CDIN1: variants seen among roughly 807,000 people sequenced by gnomAD.
The protein encoded by CDIN1 is CDAN1-interacting nuclease 1.
In CDIN1, 33 loss-of-function variants were observed where a neutral mutation model predicts 45.3. That is an observed-to-expected ratio of 0.73 (90% confidence interval 0.55 to 0.97). CDIN1 has a LOEUF of 0.97. Among genes scored for constraint, CDIN1 ranks in the 50% least tolerant of loss-of-function variants. CDIN1 has a pLI of 0.00. For synonymous variants in CDIN1, 118 were observed against 124.4 expected (o/e 0.95, Z 0.34); for missense variants, 303 against 339.4 (o/e 0.89, Z 0.84).
chr15:36,719,561 T>G (rs554117878), intron 10 of CDIN1, among the ~76,000 whole-genome samples: 2 of 152,170 alleles, frequency 1.3e-5, no homozygotes. Context: ...TGTTTATGAG[T>G]GATACAGGTT....
At chr15:36,676,773 A>G (rs750374000) in intron 5 of CDIN1, among the ~76,000 whole-genome samples, 4 of 152,110 alleles carry the variant, frequency 2.6e-5, no homozygotes, top group African/African-American at 4.8e-5. Flanking sequence ...GCTTCCCTTC[A>G]TTATGTGGCC....
intron 10 of CDIN1, among the ~76,000 whole-genome samples, chr15:36,767,324 C>T (rs1306244605): frequency 6.6e-6 from 1 of 152,112 alleles, no homozygotes; most frequent in Non-Finnish European, 1.5e-5. Context: ...TATTTTTGGG[C>T]TTCCTGAGTC....
chr15:36,596,385 T>C (rs2037835688), intron 1 of CDIN1, among the ~76,000 whole-genome samples: 1 of 152,220 alleles, frequency 6.6e-6, no homozygotes, highest in South Asian at 2.1e-4. Context: ...CCATTTTAAA[T>C]TACTTTGTGT....
intron 10 of CDIN1, among the ~76,000 whole-genome samples, chr15:36,775,594 G>GATGTA (rs1404659686): frequency 6.6e-6 from 1 of 152,152 alleles, no homozygotes; most frequent in Non-Finnish European, 1.5e-5. Context: ...CAAGAGTCTT[G>GATGTA]ATGTACCTTT....
chr15:36,774,953 A>G (rs1240044451), intron 10 of CDIN1, among the ~76,000 whole-genome samples: 1 of 152,186 alleles, frequency 6.6e-6, no homozygotes, highest in Non-Finnish European at 1.5e-5. Context: ...AATATTATTG[A>G]TGACATAAAT....
chr15:36,765,393 C>G (rs1323304830), intron 10 of CDIN1, among the ~76,000 whole-genome samples: 1 of 152,056 alleles, frequency 6.6e-6, no homozygotes, highest in Admixed American at 6.6e-5. Context: ...AAACTTTTTT[C>G]TTGTTTATGC....
chr15:36,774,163 T>TGCACGCGC (rs1555407089), intron 10 of CDIN1, among the ~76,000 whole-genome samples: 1 of 143,070 alleles, frequency 7.0e-6, no homozygotes. Context: ...TGTGTGTGTG[T>TGCACGCGC]GCGCGCGCGC....
rs568305349 is a variant in CDIN1, at chr15:36,699,144, A to G, written c.544+1754A>G. 2.6e-5 allele frequency among the ~76,000 whole-genome samples: 4 copies of G among 152,304 alleles called. No homozygotes were observed. In the South Asian group the frequency reaches 8.3e-4, roughly 32 times the overall value. On this transcript the variant is annotated intron_variant, in intron 8 of 10. Transcript: ENST00000566621. ...AAATGAAATATAGGAAGTTTATGCA[A>G]CCTGAGTCCTGTTTTAAAGCATTTC...
intron 5 of CDIN1, among the ~76,000 whole-genome samples, chr15:36,663,277 A>G (rs190022814): frequency 6.6e-6 from 1 of 152,336 alleles, no homozygotes; most frequent in East Asian, 1.9e-4. Context: ...TTAAATTAAC[A>G]GGGAATGGGA....
At chr15:36,742,347 A>C (rs2044268281) in intron 10 of CDIN1, among the ~76,000 whole-genome samples, 1 of 152,196 alleles carries the variant, frequency 6.6e-6, no homozygotes, top group Admixed American at 6.5e-5. Context: ...TAATGCATAA[A>C]AGTTCTTAGT....
chr15:36,706,900 G>A (rs7171283), intron 8 of CDIN1: 21,935 of 152,120 alleles, frequency 0.14, 1,632 homozygotes, highest in East Asian at 0.25. Context: ...ACTGTTAAAC[G>A]TGTACTTGTA....
At chr15:36,648,418 C>T (rs890628667) in intron 3 of CDIN1, among the ~76,000 whole-genome samples, 10 of 139,396 alleles carry the variant, frequency 7.2e-5, no homozygotes, top group Non-Finnish European at 1.5e-4. Flanking sequence ...TATATGTTTC[C>T]AATATTCTAT....
intron 10 of CDIN1, among the ~76,000 whole-genome samples, chr15:36,805,921 TATTTACAA>T (rs1717059879): frequency 6.6e-6 from 1 of 152,198 alleles, no homozygotes; most frequent in Non-Finnish European, 1.5e-5. Context: ...TATCAATCTC[TATTTACAA>T]AGGGACATTG....
chr15:36,606,268 G>T (rs1364469682), intron 1 of CDIN1, among the ~76,000 whole-genome samples: 1 of 151,966 alleles, frequency 6.6e-6, no homozygotes, highest in African/African-American at 2.4e-5. Context: ...TACCTCCCAT[G>T]TGATTTCTGT....
At chr15:36,631,784 C>G (rs1039968632) in intron 1 of CDIN1, among the ~76,000 whole-genome samples, 1 of 152,120 alleles carries the variant, frequency 6.6e-6, no homozygotes, top group Non-Finnish European at 1.5e-5. Context: ...AGAAGAATTA[C>G]TGGGTCATAT....
At chr15:36,651,645 T>A (rs2040580315) in intron 3 of CDIN1, among the ~76,000 whole-genome samples, 3 of 152,180 alleles carry the variant, frequency 2.0e-5, no homozygotes, top group Admixed American at 2.0e-4. Context: ...ATGTTCAATG[T>A]ATGTGGCACC....
rs1595696135 is a variant in CDIN1, at chr15:36,579,825, TCC to T, written c.-35_-34del. 6.4e-7 allele frequency: 1 copy of T among 1,573,124 alleles called. No individual in the cohort carries two copies. The highest frequency in any genetic ancestry group is 1.8e-5 in the Admixed American group (1 of 55,886). ...GCTACTTGAGCCCCAGGGTGTTTTT[TCC>T]TTGTTCCCGCCACCTCCTGGTCCCT... On this transcript the variant is annotated 5_prime_UTR_variant, in exon 1 of 11. Coordinates refer to ENST00000566621, the MANE Select transcript of CDIN1 (RefSeq NM_001321759.2).
intron 5 of CDIN1, among the ~76,000 whole-genome samples, chr15:36,678,222 G>A (rs1043602389): frequency 6.6e-6 from 1 of 152,170 alleles, no homozygotes; most frequent in African/African-American, 2.4e-5. Flanking sequence ...GAATTCTTGA[G>A]GAGTAGTTCC....
chr15:36,678,422 T>A (rs767068153), intron 5 of CDIN1, among the ~76,000 whole-genome samples: 1 of 152,180 alleles, frequency 6.6e-6, no homozygotes, highest in Non-Finnish European at 1.5e-5. Context: ...TGTCTTGGAG[T>A]TCAGCCCCTG....
Sources: allele counts gnomAD v4.1 joint callset (sites outside exome capture counted in the v4.1 genomes callset), GRCh38; gene constraint gnomAD v4.1.1; transcripts MANE v1.5; gene names NCBI Gene and HGNC (gene_info 2026-07-23, HGNC 2026-07-21).